Variants in TNFRSF14 observed in about 807,000 individuals in gnomAD.
TNFRSF14 encodes the protein TNF receptor superfamily member 14.
In TNFRSF14, 18 loss-of-function variants were observed where a neutral mutation model predicts 34.1. The ratio of observed to expected loss-of-function variants is 0.53; its 90% CI spans 0.36 to 0.78. The LOEUF (loss-of-function observed/expected upper bound fraction) is 0.78, where lower values mean the gene tolerates loss of function less well. TNFRSF14 is among the 30% of genes least tolerant of loss of function. The probability of loss-of-function intolerance (pLI) is 0.00; values close to 1 mark genes in which losing one functional copy is unlikely to be tolerated. For missense variants in TNFRSF14, 352 were observed against 379.5 expected (o/e 0.93, Z 0.60); for synonymous variants, 157 against 153.2 (o/e 1.02, Z -0.18).
chr1:2,559,463 G>A, intron 3 of TNFRSF14: 2 of 1,427,856 alleles, frequency 1.4e-6, no homozygotes, highest in South Asian at 2.4e-5. Flanking sequence ...CGTTTGCGGG[G>A]TGGGTGTCTG....
Position 2,562,949 on chromosome 1 carries a change from C to A in TNFRSF14, c.726+53C>A, listed in dbSNP as rs568092845. ...CCCCCTCCACCTTCCCACCTCCCCT[C>A]TCCCCGCTGGGGCTGGTGTTTCTGG... On this transcript the variant is annotated intron_variant, in intron 7 of 7. Coordinates refer to ENST00000355716, the MANE Select transcript of TNFRSF14 (RefSeq NM_003820.4). The A allele has an allele frequency of 1.5e-4, 236 of 1,551,164 alleles. 1 individual carries two copies. The African/African-American group carries it at 2.6e-3, about 17-fold the overall frequency.
chr1:2,560,923 T>C (rs1644299744), intron 5 of TNFRSF14: 1 of 569,432 alleles, frequency 1.8e-6, no homozygotes, highest in African/African-American at 1.9e-5. Context: ...CAAAGCCTCA[T>C]CAGATCTGAG....
Position 2,560,073 on chromosome 1 carries a change from C to G in TNFRSF14, c.460+95C>G, listed in dbSNP as rs947776321. On this transcript the variant is annotated intron_variant, in intron 4 of 7. Transcript: ENST00000355716. Reference sequence around the variant, plus strand: ...CAGGTTTCCTCGACGGCATGGCCTGCCCAGGGGCCCTGGTGAGACAGAACC... The same window carrying G: ...CAGGTTTCCTCGACGGCATGGCCTGGCCAGGGGCCCTGGTGAGACAGAACC... 11 of 1,436,016 alleles carry G rather than the reference C, an allele frequency of 7.7e-6. No individual in the cohort carries two copies. The African/African-American group carries it at 1.4e-4, about 19-fold the overall frequency. 89.0% of individuals were successfully genotyped at this position (1,436,016 alleles called of 1,614,324 possible). A position where few individuals can be genotyped will look rare whatever the true frequency, so the allele number is the denominator to read the frequency against.
Position 2,563,479 on chromosome 1 carries a change from C to G in TNFRSF14, c.*206C>G. 1 of 746,316 alleles carries G rather than the reference C, an allele frequency of 1.3e-6. No individual in the cohort carries two copies. The highest frequency in any genetic ancestry group is 2.1e-6 in the Non-Finnish European group (1 of 475,738). 46.2% of individuals were successfully genotyped at this position (746,316 alleles called of 1,614,324 possible). On this transcript the variant is annotated 3_prime_UTR_variant, in exon 8 of 8. Coordinates refer to ENST00000355716, the MANE Select transcript of TNFRSF14 (RefSeq NM_003820.4). ...TGCCATTCCCATGGGCCAGTGAGGGCCTGGGGCCTCTGTTCTGCTGTGGCC... is the reference window on the plus strand; with the variant it reads ...TGCCATTCCCATGGGCCAGTGAGGGGCTGGGGCCTCTGTTCTGCTGTGGCC...
chr1:2,556,193 C>T (rs1268871290), upstream of TNFRSF14: 1 of 423,228 alleles, frequency 2.4e-6, no homozygotes, highest in Non-Finnish European at 4.6e-6. Flanking sequence ...CCACAGGGCC[C>T]CTTTATTCGG....
At chr1:2,554,662 G>C (rs1644188480), upstream of TNFRSF14, 1 of 152,372 alleles carries the variant, frequency 6.6e-6, no homozygotes, top group South Asian at 2.1e-4. This position sits in a 1 kb window ranked among gnomAD's most constrained non-coding sequence, Gnocchi z 4.2. Context: ...TGGTGTGGGA[G>C]CTGAAGTCGG....
rs1264744652 is a variant in TNFRSF14 at position 2,561,416 on chromosome 1, C to G, written c.552-257C>G. On this transcript the variant is annotated intron_variant, in intron 5 of 7. Coordinates refer to ENST00000355716, the MANE Select transcript of TNFRSF14 (RefSeq NM_003820.4). This position sits in a 1 kb window ranked among gnomAD's most constrained non-coding sequence, Gnocchi z 6.0. ...GCTGCCTCCCGCTTCTCTCCCCTCT[C>G]CCTCTGCCGTCCTGTCTCCTTTGCC... 7.2e-7 allele frequency: 1 copy of G among 1,392,656 alleles called. No individual in the cohort carries two copies. The highest frequency in any genetic ancestry group is 1.5e-5 in the African/African-American group (1 of 68,506). 86.3% of individuals were successfully genotyped at this position (1,392,656 alleles called of 1,614,324 possible). A position where few individuals can be genotyped will look rare whatever the true frequency, so the allele number is the denominator to read the frequency against.
chr1:2,561,226 G>T lies in TNFRSF14; in HGVS notation c.552-447G>T, dbSNP rs11573988. The T allele has an allele frequency of 0.12, 52,529 of 433,310 alleles. 3,719 individuals carry two copies. The highest frequency in any genetic ancestry group is 0.21 in the Middle Eastern group (346 of 1,628). The allele number at this position is 433,310 out of a possible 1,614,324, so 26.8% of individuals were successfully genotyped here. ...AGCAGGGATGGCTGCCCCAGGGAGG[G>T]GGCGGTGGGGCCTTCCATCCTGCTC... On this transcript the variant is annotated intron_variant, in intron 5 of 7. Coordinates refer to ENST00000355716, the MANE Select transcript of TNFRSF14 (RefSeq NM_003820.4). The surrounding 1 kb of genome is among the most constrained non-coding windows in gnomAD (Gnocchi z 6.0).
At chr1:2,560,073 C>T (rs947776321) in intron 4 of TNFRSF14, 95 bp downstream of exon 4, 5 of 1,436,134 alleles carry the variant, frequency 3.5e-6, no homozygotes, top group Non-Finnish European at 9.2e-7. Context: ...GCATGGCCTG[C>T]CCAGGGGCCC....
chr1:2,563,197 A>C lies in TNFRSF14; in HGVS notation c.776A>C (p.Gln259Pro), dbSNP rs760346283. 1 of 1,613,512 alleles carries C rather than the reference A, an allele frequency of 6.2e-7. No individual in the cohort carries two copies. Among genetic ancestry groups the C allele is most frequent in the Non-Finnish European group, 8.5e-7 (1 of 1,180,006 alleles). ...GAGGCCACAGTCATTGAGGCCCTGC[A>C]GGCCCCTCCGGACGTCACCACGGTG... is the stretch of plus-strand genomic sequence containing the variant. ...EGEATVIEAL[Q>P]APPDVTTVAV... Residue 259 changes from glutamine (Q) to proline (P), a missense_variant, in exon 8 of 8, where the codon CAG becomes CCG. Transcript: ENST00000355716.
At chr1:2,557,353 T>C (rs1644231035) in intron 1 of TNFRSF14, among the ~76,000 whole-genome samples, 1 of 152,160 alleles carries the variant, frequency 6.6e-6, no homozygotes, top group South Asian at 2.1e-4. Flanking sequence ...TGGCTGCCCC[T>C]GCTGGCTCTT....
intron 3 of TNFRSF14, chr1:2,558,932 C>T (rs1644261558): frequency 2.2e-6 from 3 of 1,364,544 alleles, no homozygotes; most frequent in Non-Finnish European, 2.9e-6. Context: ...GAGGCTGGTG[C>T]CCACCTGAGT....
At chr1:2,558,106 A>G (rs1267428764) in intron 2 of TNFRSF14, among the ~76,000 whole-genome samples, 7 of 152,114 alleles carry the variant, frequency 4.6e-5, no homozygotes, top group Admixed American at 6.5e-5. Flanking sequence ...GGGGGCACAT[A>G]CCAGAGCCGG....
chr1:2,556,529 G>A lies in TNFRSF14; in HGVS notation c.-136G>A. 1 of 924,164 alleles carries A rather than the reference G, an allele frequency of 1.1e-6. No homozygotes were observed. Among genetic ancestry groups the A allele is most frequent in the East Asian group, 2.6e-5 (1 of 38,236 alleles). The allele number at this position is 924,164 out of a possible 1,614,324, so 57.2% of individuals were successfully genotyped here. ...CCTGCTGCTCGGGTTCTGAGGCACAGCTTGTCACACCGAGGCGGATTCTCT... is the reference window on the plus strand; with the variant it reads ...CCTGCTGCTCGGGTTCTGAGGCACAACTTGTCACACCGAGGCGGATTCTCT... On this transcript the variant is annotated 5_prime_UTR_variant, in exon 1 of 8. Coordinates refer to ENST00000355716, the MANE Select transcript of TNFRSF14 (RefSeq NM_003820.4).
chr1:2,561,166 GA>G lies in TNFRSF14; in HGVS notation c.551+453del, dbSNP rs1225688887. On this transcript the variant is annotated intron_variant, in intron 5 of 7. Coordinates refer to ENST00000355716, the MANE Select transcript of TNFRSF14 (RefSeq NM_003820.4). This position sits in a 1 kb window ranked among gnomAD's most constrained non-coding sequence, Gnocchi z 6.0. ...GACCTGAGACTTCAGAGCTTCTTGG[GA>G]GGAGCTGGGGTCCCCCAGCGGAGCC... is the stretch of plus-strand genomic sequence containing the variant. 5.6e-6 allele frequency: 2 copies of G among 359,142 alleles called. No individual in the cohort carries two copies. Among genetic ancestry groups the G allele is most frequent in the African/African-American group, 4.1e-5 (2 of 48,338 alleles). The allele number at this position is 359,142 out of a possible 1,614,324, so 22.2% of individuals were successfully genotyped here.
chr1:2,562,528 T>C (rs1644325190), intron 6 of TNFRSF14: 1 of 470,714 alleles, frequency 2.1e-6, no homozygotes, highest in African/African-American at 2.0e-5. Flanking sequence ...CACCTGCTGG[T>C]ATGGTGGGCA....
Position 2,563,356 on chromosome 1 carries a change from A to C in TNFRSF14, c.*83A>C. The C allele has an allele frequency of 1.1e-5, 18 of 1,576,240 alleles. No individual in the cohort carries two copies. Among genetic ancestry groups the C allele is most frequent in the Non-Finnish European group, 1.5e-5 (17 of 1,159,024 alleles). ...GCTGTCCACCTGGCGGAACCACCGG[A>C]GCCCGGAGGCTTGGGGGCTCCGCCC... On this transcript the variant is annotated 3_prime_UTR_variant, in exon 8 of 8. Transcript: ENST00000355716.
intron 4 of TNFRSF14, 120 bp downstream of exon 4, chr1:2,560,098 C>G (rs2100854239): frequency 7.2e-7 from 1 of 1,387,544 alleles, no homozygotes; most frequent in East Asian, 2.5e-5. Context: ...GAGACAGAAC[C>G]TTGGCCAGCC....
rs200028156 is a variant in TNFRSF14, at chr1:2,556,648, C to G, written c.-17C>G. On this transcript the variant is annotated 5_prime_UTR_variant, in exon 1 of 8. Coordinates refer to ENST00000355716, the MANE Select transcript of TNFRSF14 (RefSeq NM_003820.4). ...CCTGCTAGCTGGGTTCCCGAGCTGC[C>G]GGTCTGAGCCTGAGGCATGGAGCCT... The G allele has an allele frequency of 1.7e-5, 27 of 1,608,386 alleles. No individual in the cohort carries two copies. The highest frequency in any genetic ancestry group is 3.4e-5 in the Admixed American group (2 of 59,374).
Sources: gnomAD v4.1 joint callset for allele counts (sites outside exome capture counted in the v4.1 genomes callset) on GRCh38, gnomAD v4.1.1 for gene constraint, Gnocchi (gnomAD v3.1) non-coding constraint, MANE v1.5 for transcripts, NCBI Gene and HGNC (gene_info 2026-07-23, HGNC 2026-07-21) for gene names.